Variants in PHF2 observed in about 807,000 individuals in gnomAD.
PHF2 encodes lysine-specific demethylase PHF2.
In PHF2, 27 loss-of-function variants were observed where a neutral mutation model predicts 120.5. The observed-to-expected ratio is 0.22, with a 90% CI of 0.17 to 0.31. PHF2 has a LOEUF of 0.31. PHF2 is among the 10% of genes least tolerant of loss of function. PHF2 has a pLI of 1.00. For synonymous variants in PHF2, 568 were observed against 592.5 expected (o/e 0.96, Z 0.60); for missense variants, 1,024 against 1,434.8 (o/e 0.71, Z 4.63).
At chr9:93,641,799 C>T (rs960736104) in intron 3 of PHF2, among the ~76,000 whole-genome samples, 6 of 152,164 alleles carry the variant, frequency 3.9e-5, no homozygotes, top group Non-Finnish European at 7.3e-5. Flanking sequence ...GTCTAACTTA[C>T]CTCTTTTTTC....
intron 2 of PHF2, among the ~76,000 whole-genome samples, chr9:93,635,364 C>T (rs574427560): frequency 3.6e-4 from 54 of 151,954 alleles, no homozygotes; most frequent in Non-Finnish European, 5.9e-4. Context: ...CCATCCCCTG[C>T]GCCCCCCACC....
chr9:93,596,925 ATTTTTTTTTTTT>A (rs1158735768), intron 1 of PHF2, among the ~76,000 whole-genome samples: 9 of 88,522 alleles, frequency 1.0e-4, no homozygotes, highest in Non-Finnish European at 1.7e-4. Context: ...CGCCCAGCTA[ATTTTTTTTTTTT>A]TTTTTTTTTT....
rs539354759 is a variant in PHF2 at position 93,621,072 on chromosome 9, C to T, written c.99-8898C>T. ...GTTTCACCTGCCAAGTGGCCACTGT[C>T]GGGGTTGGTGGCACAGGCAGCAGGG... is the stretch of plus-strand genomic sequence containing the variant. On this transcript the variant is annotated intron_variant, in intron 1 of 21. Coordinates refer to ENST00000359246, the MANE Select transcript of PHF2 (RefSeq NM_005392.4). 3.3e-5 allele frequency among the ~76,000 whole-genome samples: 5 copies of T among 152,354 alleles called. 1 individual carries two copies. The highest frequency in any genetic ancestry group is 7.3e-5 in the Non-Finnish European group (5 of 68,034).
intron 5 of PHF2, among the ~76,000 whole-genome samples, chr9:93,651,236 T>G (rs1456289119): frequency 6.6e-6 from 1 of 151,866 alleles, no homozygotes; most frequent in Non-Finnish European, 1.5e-5. Context: ...CATAACTGAG[T>G]CATGTCTCCA....
chr9:93,594,196 C>T (rs377183780), intron 1 of PHF2, among the ~76,000 whole-genome samples: 10 of 101,020 alleles, frequency 9.9e-5, no homozygotes, highest in African/African-American at 2.7e-4. Flanking sequence ...ACCCCCCCCC[C>T]CTCCATTAAT....
At chr9:93,619,408 C>T (rs1476414102) in intron 1 of PHF2, among the ~76,000 whole-genome samples, 1 of 152,140 alleles carries the variant, frequency 6.6e-6, no homozygotes, top group African/African-American at 2.4e-5. Flanking sequence ...TGGCACTTTG[C>T]TCCGCTGACC....
intron 17 of PHF2, among the ~76,000 whole-genome samples, chr9:93,668,760 G>A (rs913787510): frequency 6.6e-6 from 1 of 152,196 alleles, no homozygotes; most frequent in Admixed American, 6.5e-5. Context: ...TCCCCGCCCC[G>A]CACAACTAGC....
chr9:93,598,344 C>G (rs541604471), intron 1 of PHF2, among the ~76,000 whole-genome samples: 1 of 152,214 alleles, frequency 6.6e-6, no homozygotes, highest in Non-Finnish European at 1.5e-5. Context: ...CCTGCCACTG[C>G]GCTTATCATC....
chr9:93,643,202 G>A (rs1214183550), intron 3 of PHF2, among the ~76,000 whole-genome samples: 2 of 152,094 alleles, frequency 1.3e-5, no homozygotes, highest in African/African-American at 2.4e-5. Flanking sequence ...AAGACGGTTT[G>A]TGTTTGCCTT....
chr9:93,582,003 T>G (rs1438653481), intron 1 of PHF2, among the ~76,000 whole-genome samples: 2 of 152,190 alleles, frequency 1.3e-5, no homozygotes, highest in Non-Finnish European at 2.9e-5. Context: ...TGGGCCTGAT[T>G]GTGCTGCGGA....
chr9:93,587,799 G>T (rs1196454910), intron 1 of PHF2, among the ~76,000 whole-genome samples: 3 of 152,150 alleles, frequency 2.0e-5, no homozygotes, highest in African/African-American at 7.2e-5. Flanking sequence ...GCCTGTGTCT[G>T]TGTAGCCAGC....
In PHF2 at chr9:93,604,279, A is replaced by G. The variant is rs375701866; in HGVS notation, c.99-25691A>G. On this transcript the variant is annotated intron_variant, in intron 1 of 21. Coordinates refer to ENST00000359246, the MANE Select transcript of PHF2 (RefSeq NM_005392.4). Reference sequence around the variant, plus strand: ...CTCCTGGGTGTGGGAGGAGCCCTGGAGGAGGAATGGGCTCTGGCAGGGGCA... The same window carrying G: ...CTCCTGGGTGTGGGAGGAGCCCTGGGGGAGGAATGGGCTCTGGCAGGGGCA... 2.7e-5 allele frequency among the ~76,000 whole-genome samples: 4 copies of G among 150,062 alleles called. No individual in the cohort carries two copies. In the East Asian group the frequency reaches 5.9e-4, roughly 22 times the overall value.
Position 93,576,751 on chromosome 9 carries a change from G to T in PHF2, c.-23G>T. On this transcript the variant is annotated 5_prime_UTR_variant, in exon 1 of 22. Coordinates refer to ENST00000359246, the MANE Select transcript of PHF2 (RefSeq NM_005392.4). ...ACCCGGGCAGCGCAGCGGCGGGGCC[G>T]AGCGGCGGCGCGGCGCGGCAACATG... 1.7e-6 allele frequency: 2 copies of T among 1,157,470 alleles called. No individual in the cohort carries two copies. The highest frequency in any genetic ancestry group is 1.5e-5 in the South Asian group (1 of 67,276). The allele number at this position is 1,157,470 out of a possible 1,614,324, so 71.7% of individuals were successfully genotyped here. A position where few individuals can be genotyped will look rare whatever the true frequency, so the allele number is the denominator to read the frequency against.
intron 2 of PHF2, among the ~76,000 whole-genome samples, chr9:93,635,254 T>A (rs1029345989): frequency 2.0e-5 from 3 of 151,866 alleles, no homozygotes; most frequent in Non-Finnish European, 2.9e-5. Context: ...TGGTAGCAGA[T>A]CCTGCTCAGA....
chr9:93,661,528 T>C (rs547078194), intron 12 of PHF2, among the ~76,000 whole-genome samples: 128 of 152,128 alleles, frequency 8.4e-4, no homozygotes, highest in Admixed American at 2.4e-3. Context: ...AATGGATGAA[T>C]AGATGAATGA....
intron 1 of PHF2, among the ~76,000 whole-genome samples, chr9:93,597,302 A>T (rs1000804393): frequency 1.3e-5 from 2 of 152,198 alleles, no homozygotes; most frequent in African/African-American, 4.8e-5. Flanking sequence ...AGGGTCAGGC[A>T]TTCAGGGTCT....
Position 93,632,969 on chromosome 9 carries a change from A to G in PHF2, c.184+2914A>G, listed in dbSNP as rs562884241. ...GATGCCCCAGTTGGTCTTTGCATTT[A>G]CTCCAGGCACGCCTTGCACACCAAG... is the stretch of plus-strand genomic sequence containing the variant. On this transcript the variant is annotated intron_variant, in intron 2 of 21. Transcript: ENST00000359246. Among the ~76,000 whole-genome samples, 3 of 152,176 alleles carry G rather than the reference A, an allele frequency of 2.0e-5. No homozygotes were observed. The South Asian group carries it at 6.2e-4, about 32-fold the overall frequency.
intron 1 of PHF2, among the ~76,000 whole-genome samples, chr9:93,607,964 G>GA (rs1825570881): frequency 1.6e-4 from 14 of 87,196 alleles, no homozygotes; most frequent in South Asian, 1.3e-3. Flanking sequence ...AGAGAGAGAG[G>GA]GAAAGAGATG....
chr9:93,588,184 T>G (rs1863094715), intron 1 of PHF2, among the ~76,000 whole-genome samples: 1 of 152,204 alleles, frequency 6.6e-6, no homozygotes, highest in Admixed American at 6.5e-5. Context: ...CTTGACCAGA[T>G]GCTCTGGGGG....
Sources: allele counts gnomAD v4.1 joint callset (sites outside exome capture counted in the v4.1 genomes callset), GRCh38; gene constraint gnomAD v4.1.1; transcripts MANE v1.5; gene names NCBI Gene and HGNC (gene_info 2026-07-23, HGNC 2026-07-21).